Variants in PHLPP1 observed in about 807,000 individuals in gnomAD.
PHLPP1 encodes PH domain leucine-rich repeat-containing protein phosphatase 1.
In PHLPP1, 42 loss-of-function variants were observed where a neutral mutation model predicts 117.2. That is an observed-to-expected ratio of 0.36 (90% CI 0.28 to 0.46). The LOEUF (loss-of-function observed/expected upper bound fraction) is 0.46, where lower values mean the gene tolerates loss of function less well. PHLPP1 is among the 20% of genes least tolerant of loss of function. The pLI is 1.00. For missense variants in PHLPP1, 2,084 were observed against 2,241.9 expected (o/e 0.93, Z 1.42); for synonymous variants, 1,042 against 970.7 (o/e 1.07, Z -1.37).
chr18:62,796,942 ATTTC>A (rs1331758707), intron 1 of PHLPP1, among the ~76,000 whole-genome samples: 1 of 152,188 alleles, frequency 6.6e-6, no homozygotes, highest in Non-Finnish European at 1.5e-5. Context: ...TCTATTTTCT[ATTTC>A]TTTGGCAATT....
chr18:62,777,948 C>A (rs886553305), intron 1 of PHLPP1, among the ~76,000 whole-genome samples: 3 of 152,118 alleles, frequency 2.0e-5, no homozygotes, highest in Non-Finnish European at 2.9e-5. Flanking sequence ...GTGTTACTAC[C>A]CTGCTGAAAA....
At chr18:62,787,839 G>A (rs970247899) in intron 1 of PHLPP1, among the ~76,000 whole-genome samples, 1 of 152,330 alleles carries the variant, frequency 6.6e-6, no homozygotes, top group African/African-American at 2.4e-5. Flanking sequence ...GGATCCCATG[G>A]TGTTATGGAT....
intron 1 of PHLPP1, among the ~76,000 whole-genome samples, chr18:62,806,883 AAG>A (rs1281010265): frequency 6.6e-6 from 1 of 152,182 alleles, no homozygotes; most frequent in Non-Finnish European, 1.5e-5. Flanking sequence ...ATAGGAGATA[AAG>A]AGAGTCAGAA....
intron 1 of PHLPP1, among the ~76,000 whole-genome samples, chr18:62,780,603 G>C (rs1031355260): frequency 1.3e-5 from 2 of 152,150 alleles, no homozygotes; most frequent in Non-Finnish European, 1.5e-5. Context: ...ATCACCTTAG[G>C]ATTTGTTAAA....
At chr18:62,892,807 C>T (rs553379375) in intron 4 of PHLPP1, among the ~76,000 whole-genome samples, 4 of 147,066 alleles carry the variant, frequency 2.7e-5, no homozygotes, top group Admixed American at 6.9e-5. Context: ...ACCCAGGAGG[C>T]GGAGCTTGCA....
At chr18:62,809,665 G>A (rs930673493) in intron 1 of PHLPP1, among the ~76,000 whole-genome samples, 53 of 151,992 alleles carry the variant, frequency 3.5e-4, no homozygotes, top group African/African-American at 1.2e-3. Flanking sequence ...TTGCGCCACT[G>A]CACTCCAGCC....
chr18:62,860,657 C>G (rs1011377337), intron 4 of PHLPP1, 56 bp downstream of exon 4: 13 of 1,385,368 alleles, frequency 9.4e-6, no homozygotes, highest in Non-Finnish European at 1.2e-5. Context: ...GAATGAACTT[C>G]TGCTTGTTAT....
chr18:62,810,754 A>T (rs1026448496), intron 1 of PHLPP1, among the ~76,000 whole-genome samples: 11 of 152,340 alleles, frequency 7.2e-5, no homozygotes, highest in Non-Finnish European at 1.0e-4. Context: ...TATATTGAAA[A>T]TACGTTAAAG....
Position 62,895,915 on chromosome 18 carries a change from C to T in PHLPP1, c.2348C>T (p.Thr783Ile). Reference protein sequence around the residue: ...TDIPEVLEKLTAVDKLCMSGN... With the variant: ...TDIPEVLEKLIAVDKLCMSGN... ...ATTCCCGAAGTATTGGAGAAATTGACTGCTGTGGATAAACTTTGTATGTCT... is the reference window on the plus strand; with the variant it reads ...ATTCCCGAAGTATTGGAGAAATTGATTGCTGTGGATAAACTTTGTATGTCT... The change falls in exon 6 of 17, where the codon ACT (threonine) becomes ATT (isoleucine). Residue 783 changes from threonine to isoleucine, a missense_variant. By Grantham distance (89) the Thr-to-Ile change is moderately conservative (BLOSUM62 -1). Around this residue, in one of 2 missense-constraint regions of PHLPP1, gnomAD observed 1,365 missense variants for 1,605.9 expected, o/e 0.85. Transcript: ENST00000262719. The T allele has an allele frequency of 6.2e-7, 1 of 1,613,586 alleles. No homozygotes were observed. The highest frequency in any genetic ancestry group is 1.1e-5 in the South Asian group (1 of 91,076).
intron 1 of PHLPP1, among the ~76,000 whole-genome samples, chr18:62,805,167 TTATACATA>T (rs1487323585): frequency 7.0e-6 from 1 of 142,506 alleles, no homozygotes; most frequent in Non-Finnish European, 1.5e-5. Flanking sequence ...ACTGCATAGG[TTATACATA>T]TACAGTATAA....
intron 1 of PHLPP1, among the ~76,000 whole-genome samples, chr18:62,829,376 T>G (rs1914694239): frequency 1.3e-5 from 2 of 152,232 alleles, no homozygotes; most frequent in South Asian, 4.1e-4. Flanking sequence ...TACTTTCTTC[T>G]TAGTGTATTT....
intron 10 of PHLPP1, among the ~76,000 whole-genome samples, chr18:62,937,606 C>G (rs780864672): frequency 3.9e-5 from 6 of 152,144 alleles, no homozygotes; most frequent in Non-Finnish European, 8.8e-5. Flanking sequence ...CTGTCTCTGC[C>G]ACTAGTTACT....
At chr18:62,963,993 A>G (rs1910837532) in intron 14 of PHLPP1, among the ~76,000 whole-genome samples, 1 of 151,998 alleles carries the variant, frequency 6.6e-6, no homozygotes, top group African/African-American at 2.4e-5. Flanking sequence ...GCCCATCTTA[A>G]TATCTTTTTC....
chr18:62,975,676 A>C, intron 16 of PHLPP1, 51 bp downstream of exon 16: 1 of 1,237,350 alleles, frequency 8.1e-7, no homozygotes, highest in South Asian at 1.2e-5. Flanking sequence ...AGGAGAGGAG[A>C]CCAGGTCATA....
intron 1 of PHLPP1, among the ~76,000 whole-genome samples, chr18:62,770,399 C>T (rs987982028): frequency 1.7e-4 from 26 of 152,296 alleles, no homozygotes; most frequent in Middle Eastern, 6.8e-3. Flanking sequence ...TGTGAGCCAC[C>T]GTGCCCGGCC....
At chr18:62,902,438 G>A (rs373568627) in intron 6 of PHLPP1, among the ~76,000 whole-genome samples, 15 of 152,134 alleles carry the variant, frequency 9.9e-5, no homozygotes, top group Non-Finnish European at 2.1e-4. Context: ...ACTCTTATTC[G>A]TTGTGTGACT....
At position 62,978,513 on chromosome 18, in the gene PHLPP1, C is replaced by T. The variant is rs750934777; in HGVS notation, c.4236C>T (p.His1412=). The T allele has an allele frequency of 1.4e-5, 23 of 1,609,536 alleles. 1 individual carries two copies. In the Middle Eastern group the frequency reaches 4.9e-4, roughly 35 times the overall value. ...LCTLAQSYGC[H]DSISAVVVQL... is the part of the protein sequence containing the mutation. The stretch of plus-strand genomic sequence containing the variant: ...CCCTGGCCCAGAGCTACGGCTGCCA[C>T]GACAGCATCAGCGCTGTGGTGGTGC... The change falls in exon 17 of 17, where the codon CAC becomes CAT. Residue 1412 remains histidine (H), a synonymous_variant. Coordinates refer to ENST00000262719, the MANE Select transcript of PHLPP1 (RefSeq NM_194449.4). This position sits in a 1 kb window ranked among gnomAD's most constrained non-coding sequence, Gnocchi z 7.0.
intron 9 of PHLPP1, among the ~76,000 whole-genome samples, 169 bp downstream of exon 9, chr18:62,915,177 A>C (rs976961670): frequency 1.3e-5 from 2 of 152,238 alleles, no homozygotes; most frequent in Non-Finnish European, 2.9e-5. Context: ...TGCTTCATGC[A>C]GTGCAGTGAG....
chr18:62,763,844 C>T (rs868631223), intron 1 of PHLPP1, among the ~76,000 whole-genome samples: 1 of 151,966 alleles, frequency 6.6e-6, no homozygotes, highest in Non-Finnish European at 1.5e-5. Context: ...AGTTGGTAAA[C>T]GCTTAAATGC....
Sources: allele counts gnomAD v4.1 joint callset (sites outside exome capture counted in the v4.1 genomes callset), GRCh38; gene constraint gnomAD v4.1.1; regional missense constraint gnomAD v4.1.1; non-coding constraint Gnocchi (gnomAD v3.1); transcripts MANE v1.5; gene names NCBI Gene and HGNC (gene_info 2026-07-23, HGNC 2026-07-21).